Variants in ARHGAP20 observed in about 807,000 individuals in gnomAD.
The protein encoded by ARHGAP20 is Rho GTPase activating protein 20, also known as rho GTPase-activating protein 20.
In ARHGAP20, 34 loss-of-function variants were observed where a neutral mutation model predicts 73.7. The ratio of observed to expected loss-of-function variants is 0.46; its 90% CI spans 0.35 to 0.61. The LOEUF (loss-of-function observed/expected upper bound fraction) is 0.61. ARHGAP20 is among the 20% of genes least tolerant of loss of function. The pLI is 0.00. For synonymous variants in ARHGAP20, 523 were observed against 518.2 expected, an observed-to-expected ratio of 1.01 and a Z score of -0.13; for missense variants, 1,314 against 1,420.9, an observed-to-expected ratio of 0.92 and a Z score of 1.21.
chr11:110,632,712 G>A lies in ARHGAP20; in HGVS notation c.189-1920C>T, dbSNP rs186448506. Among the ~76,000 whole-genome samples, 3 of 152,186 alleles carry A rather than the reference G, an allele frequency of 2.0e-5. No individual in the cohort carries two copies. The East Asian group carries it at 5.8e-4, about 29-fold the overall frequency. ...AGCCACCATGCCCAGCCTTTAATTA[G>A]GATTTTAATTTGCATTTCTCTGCTA... On this transcript the variant is annotated intron_variant, in intron 2 of 14. Transcript: ENST00000683387.
intron 2 of ARHGAP20, among the ~76,000 whole-genome samples, chr11:110,666,092 G>A (rs1215205144): frequency 6.6e-6 from 1 of 151,832 alleles, no homozygotes; most frequent in Non-Finnish European, 1.5e-5. Flanking sequence ...TGAACAACTG[G>A]AATTTGAAAT....
chr11:110,685,092 A>T (rs1746818415), intron 2 of ARHGAP20, among the ~76,000 whole-genome samples: 1 of 152,178 alleles, frequency 6.6e-6, no homozygotes, highest in South Asian at 2.1e-4. Context: ...ATCACCGAAA[A>T]ATTATATGAA....
At chr11:110,598,894 GCCCTCCC>G (rs1948039866) in intron 9 of ARHGAP20, among the ~76,000 whole-genome samples, 1 of 152,156 alleles carries the variant, frequency 6.6e-6, no homozygotes, top group African/African-American at 2.4e-5. Flanking sequence ...TGGGAGCCCT[GCCCTCCC>G]GGGTGGAGGT....
chr11:110,712,259 C>T lies in ARHGAP20; in HGVS notation c.-28G>A, dbSNP rs779380907. ...AGAAAATCTTCAAACAAATCCCAGC[C>T]CAGGAGGAGGCTACACGATCATGTC... On this transcript the variant is annotated 5_prime_UTR_variant, in exon 1 of 15. Transcript: ENST00000683387. 7.6e-7 allele frequency: 1 copy of T among 1,315,620 alleles called. No individual in the cohort carries two copies. The highest frequency in any genetic ancestry group is 9.8e-7 in the Non-Finnish European group (1 of 1,023,398). The allele number at this position is 1,315,620 out of a possible 1,614,324, so 81.5% of individuals were successfully genotyped here.
intron 10 of ARHGAP20, among the ~76,000 whole-genome samples, chr11:110,591,208 G>C (rs2134827479): frequency 6.6e-6 from 1 of 152,296 alleles, no homozygotes; most frequent in Admixed American, 6.5e-5. Flanking sequence ...AGAAGAGAAT[G>C]GGTTTTGAAG....
At position 110,581,034 on chromosome 11, in the gene ARHGAP20, C is replaced by T. The variant is rs749876784; in HGVS notation, c.1912G>A (p.Asp638Asn). 1.6e-5 allele frequency: 26 copies of T among 1,614,020 alleles called. No homozygotes were observed. Among genetic ancestry groups the T allele is most frequent in the East Asian group, 1.1e-4 (5 of 44,886 alleles). The change falls in exon 15 of 15, where the codon GAC becomes AAC. Residue 638 changes from aspartate (D) to asparagine (N), a missense_variant. Coordinates refer to ENST00000683387, the MANE Select transcript of ARHGAP20 (RefSeq NM_001384657.1). The part of the protein sequence containing the change: ...PEVEGLLTLS[D>N]FDLAHSKDED... ...TCTTTAGAATGGGCCAAGTCAAAGT[C>T]GCTTAGGGTTAAAAGGCCTTCCACC... is the stretch of plus-strand genomic sequence containing the variant.
chr11:110,620,260 C>T (rs1415833560), intron 4 of ARHGAP20, among the ~76,000 whole-genome samples: 1 of 152,114 alleles, frequency 6.6e-6, no homozygotes, highest in Non-Finnish European at 1.5e-5. Context: ...AAGCAATCCT[C>T]CACCTCAGCC....
intron 2 of ARHGAP20, among the ~76,000 whole-genome samples, chr11:110,673,260 A>C (rs537917193): frequency 6.6e-6 from 1 of 152,320 alleles, no homozygotes; most frequent in African/African-American, 2.4e-5. Context: ...AGTCCACAAC[A>C]TAAGTGGGAA....
chr11:110,612,188 G>A (rs1057051035), intron 6 of ARHGAP20, among the ~76,000 whole-genome samples: 3 of 151,988 alleles, frequency 2.0e-5, no homozygotes, highest in Non-Finnish European at 4.4e-5. Context: ...GGAGGCCGAG[G>A]TGGGCGGGTC....
Position 110,647,115 on chromosome 11 carries a change from T to C in ARHGAP20, c.189-16323A>G, listed in dbSNP as rs543142393. 2.6e-5 allele frequency among the ~76,000 whole-genome samples: 4 copies of C among 152,128 alleles called. No homozygotes were observed. The South Asian group carries it at 8.3e-4, about 32-fold the overall frequency. The stretch of plus-strand genomic sequence containing the variant: ...GTAAGAAGCAGTTTTATTCTGGAAA[T>C]ATTTCATAGGTGGTACTTAACAGGA... On this transcript the variant is annotated intron_variant, in intron 2 of 14. Coordinates refer to ENST00000683387, the MANE Select transcript of ARHGAP20 (RefSeq NM_001384657.1).
Position 110,578,495 on chromosome 11 carries a change from A to C in ARHGAP20, c.*875T>G. 1.0e-6 allele frequency: 1 copy of C among 985,450 alleles called. No homozygotes were observed. The highest frequency in any genetic ancestry group is 1.1e-4 in the East Asian group (1 of 8,818). 61.0% of individuals were successfully genotyped at this position (985,450 alleles called of 1,614,324 possible). On this transcript the variant is annotated 3_prime_UTR_variant, in exon 15 of 15. Transcript: ENST00000683387. ...ACAGCATTTGTGTAATTGAGAAAGGACAGTTGTTGTGGTCTTTTCCTCCAT... is the reference window on the plus strand; with the variant it reads ...ACAGCATTTGTGTAATTGAGAAAGGCCAGTTGTTGTGGTCTTTTCCTCCAT...
chr11:110,621,426 T>C (rs552899526), intron 4 of ARHGAP20, among the ~76,000 whole-genome samples: 2 of 150,716 alleles, frequency 1.3e-5, no homozygotes, highest in Middle Eastern at 3.4e-3. Flanking sequence ...AAGTCCGTGA[T>C]ACATTTTTCC....
intron 1 of ARHGAP20, among the ~76,000 whole-genome samples, chr11:110,700,332 T>G (rs879377190): frequency 9.2e-5 from 14 of 152,046 alleles, no homozygotes; most frequent in African/African-American, 1.2e-4. Context: ...CTGGGAAAGC[T>G]TTTATAGAAC....
intron 2 of ARHGAP20, among the ~76,000 whole-genome samples, chr11:110,643,920 A>G (rs546267279): frequency 6.6e-6 from 1 of 152,242 alleles, no homozygotes; most frequent in African/African-American, 2.4e-5. Context: ...TGTTTTATGA[A>G]TCTGGGTGCT....
At chr11:110,681,050 G>T (rs1196064717) in intron 2 of ARHGAP20, among the ~76,000 whole-genome samples, 3 of 152,076 alleles carry the variant, frequency 2.0e-5, no homozygotes, top group African/African-American at 7.2e-5. Flanking sequence ...TTCTACTTTG[G>T]TGTTCGCATC....
intron 10 of ARHGAP20, among the ~76,000 whole-genome samples, chr11:110,591,098 T>C (rs1947817560): frequency 6.6e-6 from 1 of 152,212 alleles, no homozygotes; most frequent in Admixed American, 6.5e-5. Context: ...ACATTATGAT[T>C]ATAGTTAATA....
chr11:110,623,245 T>C (rs537101172), intron 4 of ARHGAP20, among the ~76,000 whole-genome samples: 2 of 152,320 alleles, frequency 1.3e-5, no homozygotes, highest in South Asian at 2.1e-4. Flanking sequence ...TATGATGATG[T>C]CCTAGGAGTT....
rs540061152 is a variant in ARHGAP20 at position 110,625,633 on chromosome 11, C to T, written c.354-1322G>A. Among the ~76,000 whole-genome samples, 3 of 152,176 alleles carry T rather than the reference C, an allele frequency of 2.0e-5. 1 individual carries two copies. In the South Asian group the frequency reaches 6.2e-4, roughly 32 times the overall value. The stretch of plus-strand genomic sequence containing the variant: ...CATCTCTGGGGACCTTGAAGGTGGT[C>T]TATTTTAATTCAAGTGAAATTGCTT... On this transcript the variant is annotated intron_variant, in intron 3 of 14. Transcript: ENST00000683387.
intron 2 of ARHGAP20, among the ~76,000 whole-genome samples, chr11:110,685,986 T>C (rs1950124904): frequency 6.6e-6 from 1 of 152,168 alleles, no homozygotes. Flanking sequence ...GTTATCATCT[T>C]GGACTTCAGA....
Sources: gnomAD v4.1 joint callset for allele counts (sites outside exome capture counted in the v4.1 genomes callset) on GRCh38, gnomAD v4.1.1 for gene constraint, MANE v1.5 for transcripts, NCBI Gene and HGNC (gene_info 2026-07-23, HGNC 2026-07-21) for gene names.